IHO1: variants seen among roughly 807,000 people sequenced by gnomAD.
The protein encoded by IHO1 is interactor of HORMAD1 protein 1.
In IHO1, 13 loss-of-function variants were observed where a neutral mutation model predicts 31.0. The ratio of observed to expected loss-of-function variants is 0.42; its 90% CI spans 0.27 to 0.67. IHO1 has a LOEUF of 0.67. IHO1 is among the 30% of genes least tolerant of loss of function. The pLI, the probability that IHO1 is intolerant of heterozygous loss-of-function variation, is 0.24. For synonymous variants in IHO1, 221 were observed against 248.4 expected, an observed-to-expected ratio of 0.89 and a Z score of 1.04; for missense variants, 599 against 687.5, an observed-to-expected ratio of 0.87 and a Z score of 1.44.
intron 1 of IHO1, among the ~76,000 whole-genome samples, chr3:49,201,795 G>A (rs376255146): frequency 5.4e-4 from 82 of 152,238 alleles, no homozygotes; most frequent in Admixed American, 2.0e-3. Flanking sequence ...GCGTGCACCT[G>A]TGGTCCAAGC....
chr3:49,217,304 A>T (rs2107693820), intron 2 of IHO1, among the ~76,000 whole-genome samples: 1 of 152,258 alleles, frequency 6.6e-6, no homozygotes, highest in African/African-American at 2.4e-5. Context: ...AATACTATGC[A>T]GCCATAAAAA....
intron 6 of IHO1, among the ~76,000 whole-genome samples, chr3:49,250,554 C>G (rs2046748356): frequency 6.6e-6 from 1 of 152,148 alleles, no homozygotes; most frequent in South Asian, 2.1e-4. Context: ...AGGAACTTCT[C>G]TATGGAAGGA....
At chr3:49,233,612 C>A (rs984531153) in intron 2 of IHO1, among the ~76,000 whole-genome samples, 3 of 152,168 alleles carry the variant, frequency 2.0e-5, no homozygotes, top group African/African-American at 7.2e-5. Context: ...AGATGCAGAT[C>A]CCAACTCCTG....
chr3:49,243,524 C>T (rs1257661680), intron 4 of IHO1, among the ~76,000 whole-genome samples: 6 of 151,686 alleles, frequency 4.0e-5, no homozygotes, highest in African/African-American at 7.2e-5. Context: ...TTTGGGAGAC[C>T]GAGGCAGGCG....
At chr3:49,250,166 G>A (rs1005754305) in intron 6 of IHO1, among the ~76,000 whole-genome samples, 5 of 152,208 alleles carry the variant, frequency 3.3e-5, no homozygotes, top group South Asian at 2.1e-4. Flanking sequence ...ATATGCACAC[G>A]TATTAATGTA....
chr3:49,194,543 G>A (rs1477713400), upstream of IHO1, among the ~76,000 whole-genome samples: 2 of 146,346 alleles, frequency 1.4e-5, no homozygotes, highest in African/African-American at 4.9e-5. Context: ...CACCCACCTC[G>A]GCCTCCCAAA....
At chr3:49,209,584 T>C (rs1575565510) in intron 1 of IHO1, among the ~76,000 whole-genome samples, 1 of 150,482 alleles carries the variant, frequency 6.6e-6, no homozygotes, top group East Asian at 2.0e-4. Context: ...TGCAGTTAGC[T>C]AAGATAACAC....
chr3:49,218,910 C>G (rs2046319722), intron 2 of IHO1, among the ~76,000 whole-genome samples: 1 of 152,098 alleles, frequency 6.6e-6, no homozygotes, highest in Non-Finnish European at 1.5e-5. Context: ...TGATGCATGC[C>G]TACTAGGGAG....
intron 1 of IHO1, among the ~76,000 whole-genome samples, chr3:49,211,525 A>G (rs1357554629): frequency 6.6e-6 from 1 of 151,640 alleles, no homozygotes; most frequent in Non-Finnish European, 1.5e-5. Context: ...AATCCCAGCT[A>G]CTCAGAAGAA....
rs371759089 is a variant in IHO1 at position 49,244,724 on chromosome 3, G to T, written c.523G>T (p.Ala175Ser). The stretch of plus-strand genomic sequence containing the variant: ...TATTTTGGATTCTTTGGAGACTGTG[G>T]CCAAGACATGTGAGTGCCTCATGTT... ...QSILDSLETV[A>S]KTLQETIQAQ... Residue 175 changes from alanine (A) to serine (S), a missense_variant, in exon 6 of 8, where the codon GCC becomes TCC. Transcript: ENST00000452691. 1.9e-6 allele frequency: 3 copies of T among 1,614,026 alleles called. No homozygotes were observed. The highest frequency in any genetic ancestry group is 1.1e-5 in the South Asian group (1 of 91,082).
chr3:49,215,165 C>T (rs574582842), intron 2 of IHO1, among the ~76,000 whole-genome samples: 31 of 152,140 alleles, frequency 2.0e-4, no homozygotes, highest in African/African-American at 7.2e-4. Context: ...ATCCTCCTGC[C>T]TTAGCGCCCC....
At chr3:49,236,322 A>G (rs2046559134) in intron 2 of IHO1, among the ~76,000 whole-genome samples, 4 of 152,228 alleles carry the variant, frequency 2.6e-5, no homozygotes, top group Admixed American at 1.3e-4. Context: ...GATGATGTCA[A>G]TCCTTTCTGT....
the IHO1 span, chr3:49,191,538 T>C: frequency 1.5e-6 from 1 of 687,220 alleles, no homozygotes; most frequent in South Asian, 1.5e-5. Flanking sequence ...CAGGAGACCA[T>C]GATGCATGGA....
intron 6 of IHO1, among the ~76,000 whole-genome samples, chr3:49,246,417 G>A (rs2046695624): frequency 6.6e-6 from 1 of 152,142 alleles, no homozygotes; most frequent in African/African-American, 2.4e-5. Flanking sequence ...GGCTAAGGCG[G>A]GAGGATCACT....
chr3:49,235,231 CTT>C (rs769000160), intron 2 of IHO1, among the ~76,000 whole-genome samples: 8 of 135,002 alleles, frequency 5.9e-5, no homozygotes, highest in Admixed American at 1.5e-4. Flanking sequence ...ATATATAAAT[CTT>C]TTTTTTTTTT....
intron 1 of IHO1, 111 bp from the exon 2 acceptor site, chr3:49,211,655 G>T: frequency 2.4e-6 from 1 of 421,004 alleles, no homozygotes; most frequent in Non-Finnish European, 4.3e-6. Flanking sequence ...TCACTAATTG[G>T]ATGGGAATAT....
At chr3:49,197,180 C>T (rs1237711413), upstream of IHO1, among the ~76,000 whole-genome samples, 11 of 143,410 alleles carry the variant, frequency 7.7e-5, no homozygotes, top group South Asian at 2.2e-4. Flanking sequence ...TTTGTAGAGA[C>T]GGGGTTTCAC....
intron 6 of IHO1, among the ~76,000 whole-genome samples, chr3:49,249,695 T>TA (rs1189659222): frequency 3.3e-5 from 5 of 152,222 alleles, no homozygotes; most frequent in African/African-American, 4.8e-5. Context: ...ATTGTTAAAT[T>TA]AAAACAACAA....
chr3:49,257,431 G>T lies in IHO1; in HGVS notation c.*149G>T. ...GGGCAATGAGCACGAGGGCAGGGAA[G>T]GTCCAGCATTCTGGGTACCAGGTGC... On this transcript the variant is annotated 3_prime_UTR_variant, in exon 8 of 8. Transcript: ENST00000452691. The T allele has an allele frequency of 1.4e-6, 1 of 736,956 alleles. No individual in the cohort carries two copies. The highest frequency in any genetic ancestry group is 2.5e-5 in the Admixed American group (1 of 40,292). 45.7% of individuals were successfully genotyped at this position (736,956 alleles called of 1,614,324 possible). A position where few individuals can be genotyped will look rare whatever the true frequency, so the allele number is the denominator to read the frequency against.
Sources: gnomAD v4.1 joint callset for allele counts (sites outside exome capture counted in the v4.1 genomes callset) on GRCh38, gnomAD v4.1.1 for gene constraint, MANE v1.5 for transcripts, NCBI Gene and HGNC (gene_info 2026-07-23, HGNC 2026-07-21) for gene names.